Variants in KIF1A observed in about 807,000 individuals in gnomAD.
KIF1A encodes kinesin-like protein KIF1A.
KIF1A carries 46 observed loss-of-function variants against 227.3 expected under a neutral mutation model. The ratio of observed to expected loss-of-function variants is 0.20; its 90% CI spans 0.16 to 0.26. The LOEUF is 0.26. Among genes scored for constraint, KIF1A ranks in the 10% least tolerant of loss-of-function variants. The pLI is 1.00. For synonymous variants in KIF1A, 1,022 were observed against 1,012.8 expected (o/e 1.01, Z -0.17); for missense variants, 1,683 against 2,485.9 (o/e 0.68, Z 6.87).
At chr2:240,742,490 C>G (rs1168138097) in intron 34 of KIF1A, among the ~76,000 whole-genome samples, 1 of 152,186 alleles carries the variant, frequency 6.6e-6, no homozygotes, top group Admixed American at 6.5e-5. Context: ...CCACCTGTTC[C>G]CACAGGCAGA....
At chr2:240,812,791 T>C (rs2057985064) in intron 1 of KIF1A, among the ~76,000 whole-genome samples, 1 of 130,326 alleles carries the variant, frequency 7.7e-6, no homozygotes. Context: ...CACCTCTGGG[T>C]CCGCCTTCAC....
intron 48 of KIF1A, 48 bp downstream of exon 48, chr2:240,718,002 G>A (rs926926659): frequency 1.6e-6 from 2 of 1,247,898 alleles, no homozygotes; most frequent in Non-Finnish European, 2.3e-6. Flanking sequence ...GGAGCCGGTT[G>A]AGGGCAGGAC....
At position 240,790,917 on chromosome 2, in the gene KIF1A, G is replaced by A. The variant is rs560934789; in HGVS notation, c.107-1605C>T. ...ACGAGACAGCACACTTCTGTTTGCG[G>A]TGCTTCCTTATGGCAGTTCAGGGCA... On this transcript the variant is annotated intron_variant, in intron 2 of 48. Coordinates refer to ENST00000498729, the MANE Select transcript of KIF1A (RefSeq NM_001244008.2). This position sits in a 1 kb window ranked among gnomAD's most constrained non-coding sequence, Gnocchi z 5.0. Among the ~76,000 whole-genome samples the A allele has an allele frequency of 3.9e-5, 6 of 152,248 alleles. No homozygotes were observed. Among genetic ancestry groups the A allele is most frequent in the Non-Finnish European group, 7.4e-5 (5 of 68,014 alleles).
intron 15 of KIF1A, among the ~76,000 whole-genome samples, chr2:240,770,149 C>T (rs1396520626): frequency 6.6e-6 from 1 of 152,214 alleles, no homozygotes; most frequent in Non-Finnish European, 1.5e-5. Flanking sequence ...GGCCCAACCT[C>T]GCCCCCATCC....
chr2:240,814,252 A>G (rs572187716), intron 1 of KIF1A, among the ~76,000 whole-genome samples: 1 of 152,266 alleles, frequency 6.6e-6, no homozygotes, highest in South Asian at 2.1e-4. Flanking sequence ...ACATGAAGTT[A>G]GAACACCAAG....
rs761915393 is a variant in KIF1A, at chr2:240,788,132, G to A, written c.282C>T (p.Phe94=). The change falls in exon 4 of 49, where the codon TTC becomes TTT. Residue 94 remains phenylalanine, a synonymous_variant. Coordinates refer to ENST00000498729, the MANE Select transcript of KIF1A (RefSeq NM_001244008.2). The surrounding 1 kb of genome is among the most constrained non-coding windows in gnomAD (Gnocchi z 6.6). ...TGCCGGCACCCGTCTGCCCATAGGC[G>A]AAGATGCACACGTTGTATCCCTCAA... ...HAFEGYNVCI[F]AYGQTGAGKS... 28 of 1,612,224 alleles carry A rather than the reference G, an allele frequency of 1.7e-5. No individual in the cohort carries two copies. The highest frequency in any genetic ancestry group is 1.3e-4 in the Admixed American group (8 of 59,798).
chr2:240,771,884 G>C (rs1461024459), intron 14 of KIF1A, among the ~76,000 whole-genome samples: 1 of 152,198 alleles, frequency 6.6e-6, no homozygotes, highest in Non-Finnish European at 1.5e-5. Flanking sequence ...CTCTGAAGTG[G>C]GTGGTGCCAG....
chr2:240,727,310 G>A (rs1212460404), intron 38 of KIF1A, among the ~76,000 whole-genome samples: 1 of 152,180 alleles, frequency 6.6e-6, no homozygotes, highest in Non-Finnish European at 1.5e-5. Context: ...GGGAACACAG[G>A]GAAGGGAGAG....
intron 1 of KIF1A, among the ~76,000 whole-genome samples, chr2:240,811,020 T>C (rs1412692422): frequency 1.3e-5 from 2 of 152,214 alleles, no homozygotes; most frequent in Admixed American, 1.3e-4. Flanking sequence ...TGTAATATTC[T>C]GTATTCCTTG....
chr2:240,782,414 A>G (rs1428251752), intron 10 of KIF1A, among the ~76,000 whole-genome samples, 176 bp downstream of exon 10: 2 of 151,946 alleles, frequency 1.3e-5, no homozygotes, highest in Non-Finnish European at 2.9e-5. Context: ...CCGCAGGCAC[A>G]GGCACCGCAC....
chr2:240,814,566 G>A (rs1177935271), intron 1 of KIF1A, among the ~76,000 whole-genome samples: 1 of 152,174 alleles, frequency 6.6e-6, no homozygotes, highest in Non-Finnish European at 1.5e-5. Flanking sequence ...CTCCAATCCA[G>A]GGGACATGGC....
At chr2:240,791,880 G>T (rs1158025642) in intron 2 of KIF1A, among the ~76,000 whole-genome samples, 2 of 151,094 alleles carry the variant, frequency 1.3e-5, no homozygotes, top group African/African-American at 4.9e-5. Flanking sequence ...CTGTGTTGTG[G>T]CTGGGACCCC....
intron 10 of KIF1A, among the ~76,000 whole-genome samples, chr2:240,779,310 CCTCA>C (rs751163724): frequency 1.3e-4 from 19 of 145,348 alleles, no homozygotes; most frequent in Non-Finnish European, 2.4e-4. Context: ...ACACTCAGTT[CCTCA>C]CTCACTTCCT....
chr2:240,769,700 C>G lies in KIF1A; in HGVS notation c.1348G>C (p.Glu450Gln). ...TCATTGAGCTCAGCTATGATCTTCT[C>G]TGTTTCCTGGGGATTGAGGCAGAGC... ...EEAIERLKET[E>Q]KIIAELNETW... is the part of the protein sequence containing the mutation. Residue 450 changes from glutamate (E) to glutamine (Q), a missense_variant, in exon 16 of 49, where the codon GAG becomes CAG. Coordinates refer to ENST00000498729, the MANE Select transcript of KIF1A (RefSeq NM_001244008.2). 1 of 1,613,468 alleles carries G rather than the reference C, an allele frequency of 6.2e-7. No homozygotes were observed.
rs937821182 is a variant in KIF1A, at chr2:240,758,074, A to G, written c.2582+286T>C. Among the ~76,000 whole-genome samples the G allele has an allele frequency of 6.6e-6, 1 of 152,202 alleles. No individual in the cohort carries two copies. The highest frequency in any genetic ancestry group is 1.5e-5 in the Non-Finnish European group (1 of 68,032). ...GAAAGTTTGCTTGGGAGCCTCACAT[A>G]TTCATACACATGGACCCATGGGTTC... On this transcript the variant is annotated intron_variant, in intron 26 of 48. Transcript: ENST00000498729. This position sits in a 1 kb window ranked among gnomAD's most constrained non-coding sequence, Gnocchi z 5.2.
At chr2:240,720,874 T>C in intron 45 of KIF1A, 40 bp downstream of exon 45, 1 of 1,519,732 alleles carries the variant, frequency 6.6e-7, no homozygotes, top group Non-Finnish European at 8.9e-7. Context: ...GGGTCAGCCG[T>C]GGTGCCAGAA....
In KIF1A at chr2:240,725,681, T is replaced by C; in HGVS notation, c.4123-277A>G. On this transcript the variant is annotated intron_variant, in intron 39 of 48. Transcript: ENST00000498729. The surrounding 1 kb of genome is among the most constrained non-coding windows in gnomAD (Gnocchi z 5.8). ...GACCCCGAGGGTCCCAGACATAGGC[T>C]CACTGCTCGGGCCTCAGCTGCCTCA... The C allele has an allele frequency of 2.4e-6, 1 of 410,908 alleles. No individual in the cohort carries two copies. Among genetic ancestry groups the C allele is most frequent in the Non-Finnish European group, 4.3e-6 (1 of 230,182 alleles). The allele number at this position is 410,908 out of a possible 1,614,324, so 25.5% of individuals were successfully genotyped here. A position where few individuals can be genotyped will look rare whatever the true frequency, so the allele number is the denominator to read the frequency against.
intron 2 of KIF1A, among the ~76,000 whole-genome samples, chr2:240,795,275 A>G (rs182269762): frequency 1.3e-5 from 2 of 152,258 alleles, no homozygotes; most frequent in Non-Finnish European, 2.9e-5. Flanking sequence ...CAGAACTCCA[A>G]TGTCTTCAGG....
Position 240,792,094 on chromosome 2 carries a change from G to C in KIF1A, c.107-2782C>G, listed in dbSNP as rs547652209. ...CACTACAGATGGGCCCCAAGCTCCA[G>C]AGAGGGGAGGTCCTCTCCCCCGGTC... On this transcript the variant is annotated intron_variant, in intron 2 of 48. Coordinates refer to ENST00000498729, the MANE Select transcript of KIF1A (RefSeq NM_001244008.2). This position sits in a 1 kb window ranked among gnomAD's most constrained non-coding sequence, Gnocchi z 4.5. Among the ~76,000 whole-genome samples the C allele has an allele frequency of 1.3e-5, 2 of 151,712 alleles. No individual in the cohort carries two copies. The highest frequency in any genetic ancestry group is 3.9e-4 in the East Asian group (2 of 5,090).
Sources: gnomAD v4.1 joint callset for allele counts (sites outside exome capture counted in the v4.1 genomes callset) on GRCh38, gnomAD v4.1.1 for gene constraint, Gnocchi (gnomAD v3.1) non-coding constraint, MANE v1.5 for transcripts, NCBI Gene and HGNC (gene_info 2026-07-23, HGNC 2026-07-21) for gene names.